Variants in FAM91A1 observed in about 807,000 individuals in gnomAD.
The protein encoded by FAM91A1 is family with sequence similarity 91 member A1.
FAM91A1 carries 41 observed loss-of-function variants against 113.5 expected under a neutral mutation model. That is an observed-to-expected ratio of 0.36 (90% CI 0.28 to 0.47). The LOEUF (loss-of-function observed/expected upper bound fraction) is 0.47. FAM91A1 is among the 20% of genes least tolerant of loss of function. FAM91A1 has a pLI of 1.00. For missense variants in FAM91A1, 696 were observed against 1,001.2 expected, an observed-to-expected ratio of 0.70 and a Z score of 4.11; for synonymous variants, 307 against 347.9, an observed-to-expected ratio of 0.88 and a Z score of 1.31.
chr8:123,806,015 G>GT, intron 19 of FAM91A1, 65 bp from the exon 20 acceptor site: 1 of 1,411,622 alleles, frequency 7.1e-7, no homozygotes, highest in Non-Finnish European at 9.4e-7. Flanking sequence ...AATAAAGTAT[G>GT]TTTAAGCTGT....
In FAM91A1 at chr8:123,788,798, A is replaced by G. The variant is rs144521391; in HGVS notation, c.1279-815A>G. Among the ~76,000 whole-genome samples, 22 of 152,218 alleles carry G rather than the reference A, an allele frequency of 1.4e-4. No individual in the cohort carries two copies. In the East Asian group the frequency reaches 4.2e-3, roughly 29 times the overall value. On this transcript the variant is annotated intron_variant, in intron 14 of 23. Coordinates refer to ENST00000334705, the MANE Select transcript of FAM91A1 (RefSeq NM_144963.4). ...TTGACTTCTGCTCTTTTACTCATAA[A>G]TCTATGTTCTTTTTCATCACAAAGT...
chr8:123,787,569 T>A (rs571088250), intron 13 of FAM91A1, 95 bp from the exon 14 acceptor site: 1 of 1,150,104 alleles, frequency 8.7e-7, no homozygotes, highest in African/African-American at 1.6e-5. Context: ...ATCCTTAAGT[T>A]TAAATATATT....
At chr8:123,790,221 A>G (rs1815350960) in intron 15 of FAM91A1, among the ~76,000 whole-genome samples, 1 of 152,260 alleles carries the variant, frequency 6.6e-6, no homozygotes, top group African/African-American at 2.4e-5. Context: ...AAAGAGTAAA[A>G]GAAGTAGCAG....
intron 20 of FAM91A1, among the ~76,000 whole-genome samples, chr8:123,807,826 G>A (rs1011631241): frequency 1.3e-5 from 2 of 152,218 alleles, no homozygotes; most frequent in Non-Finnish European, 2.9e-5. Flanking sequence ...AAGGGATCTT[G>A]GAGGATCTTC....
chr8:123,785,795 T>C (rs1267658326), intron 11 of FAM91A1, 54 bp downstream of exon 11: 1 of 965,582 alleles, frequency 1.0e-6, no homozygotes, highest in Non-Finnish European at 1.5e-6. Context: ...GAAAAGACAT[T>C]TAATTTTACA....
intron 23 of FAM91A1, among the ~76,000 whole-genome samples, chr8:123,811,819 G>A (rs1383640546): frequency 2.6e-5 from 4 of 152,106 alleles, no homozygotes; most frequent in Non-Finnish European, 5.9e-5. Flanking sequence ...GAGAAGCGTG[G>A]AGTAGGTGGA....
At chr8:123,773,885 A>G (rs117586917) in intron 1 of FAM91A1, among the ~76,000 whole-genome samples, 195 bp from the exon 2 acceptor site, 3,787 of 152,326 alleles carry the variant, frequency 0.025, 67 homozygotes, top group Non-Finnish European at 0.033. Context: ...CTGAAAATAC[A>G]TAGAATTTTT....
intron 11 of FAM91A1, 94 bp downstream of exon 11, chr8:123,785,835 T>C (rs1815240283): frequency 6.8e-6 from 5 of 732,686 alleles, no homozygotes; most frequent in Non-Finnish European, 1.0e-5. Flanking sequence ...ATTTATTTAT[T>C]GAGACAAAGT....
Position 123,809,021 on chromosome 8 carries a change from G to T in FAM91A1, c.2261+5G>T. The T allele has an allele frequency of 6.2e-7, 1 of 1,610,304 alleles. No homozygotes were observed. The highest frequency in any genetic ancestry group is 1.1e-5 in the South Asian group (1 of 90,656). On this transcript the variant is annotated splice_donor_5th_base_variant and intron_variant, in intron 22 of 23. Transcript: ENST00000334705. ...TGGCCTTTGCAGAAAAGAGAGGTGA[G>T]GGTTTATATTCGCTGTCATATTTTC...
chr8:123,775,063 A>T, intron 2 of FAM91A1, 84 bp from the exon 3 acceptor site: 1 of 1,280,770 alleles, frequency 7.8e-7, no homozygotes, highest in Non-Finnish European at 1.0e-6. Context: ...CTTTTAAATT[A>T]CTGTTGGTTT....
chr8:123,803,318 T>A (rs979550768), intron 18 of FAM91A1, among the ~76,000 whole-genome samples: 2 of 152,072 alleles, frequency 1.3e-5, no homozygotes, highest in African/African-American at 4.8e-5. Context: ...TTTTATTTAT[T>A]TATTGTTTTG....
chr8:123,793,401 G>T (rs4871414), intron 15 of FAM91A1, among the ~76,000 whole-genome samples: 48,202 of 151,996 alleles, frequency 0.32, 10,975 homozygotes, highest in African/African-American at 0.64. Flanking sequence ...TCCCCCACTT[G>T]AGCAGTTCTG....
chr8:123,794,745 C>G (rs1311968137), intron 15 of FAM91A1, among the ~76,000 whole-genome samples: 2 of 152,164 alleles, frequency 1.3e-5, no homozygotes, highest in Non-Finnish European at 2.9e-5. Context: ...ACTAGGGGAG[C>G]CATACAGAGA....
At chr8:123,793,692 A>G (rs531969029) in intron 15 of FAM91A1, among the ~76,000 whole-genome samples, 1 of 152,288 alleles carries the variant, frequency 6.6e-6, no homozygotes, top group African/African-American at 2.4e-5. Flanking sequence ...GGAATCAGCC[A>G]TTTGTCCTAG....
intron 15 of FAM91A1, among the ~76,000 whole-genome samples, chr8:123,793,802 A>G (rs1815441859): frequency 1.3e-5 from 2 of 152,168 alleles, no homozygotes; most frequent in Non-Finnish European, 1.5e-5. Context: ...CATTATATGT[A>G]TATATGTATA....
intron 18 of FAM91A1, 49 bp from the exon 19 acceptor site, chr8:123,805,218 T>C (rs769867696): frequency 1.2e-5 from 17 of 1,404,438 alleles, no homozygotes; most frequent in Non-Finnish European, 1.7e-5. Flanking sequence ...ATATCAGTGA[T>C]TGGAAATGAA....
intron 22 of FAM91A1, 110 bp from the exon 23 acceptor site, chr8:123,810,172 T>G: frequency 1.0e-6 from 1 of 963,724 alleles, no homozygotes. Context: ...TGTTTTGTGA[T>G]TGGCCAGGAT....
In FAM91A1 at chr8:123,778,016, T is replaced by A; in HGVS notation, c.368-9T>A. ...TAAATGTTTTTAAAGGAAAGACTCT[T>A]TTTTTCAGGTCTAAGGCTTCTTGGC... is the stretch of plus-strand genomic sequence containing the variant. On this transcript the variant is annotated splice_polypyrimidine_tract_variant and intron_variant, in intron 4 of 23. Transcript: ENST00000334705. 6.2e-7 allele frequency: 1 copy of A among 1,610,282 alleles called. No individual in the cohort carries two copies. Among genetic ancestry groups the A allele is most frequent in the Non-Finnish European group, 8.5e-7 (1 of 1,177,614 alleles).
intron 6 of FAM91A1, among the ~76,000 whole-genome samples, chr8:123,779,685 G>A (rs1157132485): frequency 6.6e-6 from 1 of 152,190 alleles, no homozygotes; most frequent in Non-Finnish European, 1.5e-5. Flanking sequence ...TGGCTAGAGA[G>A]ATTCTGAATT....
Sources: gnomAD v4.1 joint callset for allele counts (sites outside exome capture counted in the v4.1 genomes callset) on GRCh38, gnomAD v4.1.1 for gene constraint, MANE v1.5 for transcripts, NCBI Gene and HGNC (gene_info 2026-07-23, HGNC 2026-07-21) for gene names.